Variants in FRS2 observed in about 807,000 individuals in gnomAD.
FRS2 encodes the protein FGFR signalling adaptor.
Under a neutral mutation model 43.9 loss-of-function variants are expected in FRS2, and 8 were observed. The ratio of observed to expected loss-of-function variants is 0.18; its 90% CI spans 0.11 to 0.33. The LOEUF (loss-of-function observed/expected upper bound fraction) is 0.33. FRS2 is among the 10% of genes least tolerant of loss of function. The pLI, the probability that FRS2 is intolerant of heterozygous loss-of-function variation, is 1.00. For synonymous variants in FRS2, 219 were observed against 220.3 expected, an observed-to-expected ratio of 0.99 and a Z score of 0.05; for missense variants, 534 against 627.6, an observed-to-expected ratio of 0.85 and a Z score of 1.59.
At chr12:69,514,898 G>T (rs1031119548) in intron 1 of FRS2, among the ~76,000 whole-genome samples, 3 of 151,672 alleles carry the variant, frequency 2.0e-5, no homozygotes, top group African/African-American at 7.3e-5. Flanking sequence ...TTTACCTTCT[G>T]AAATCATATG....
At chr12:69,530,792 A>G (rs144196018) in intron 1 of FRS2, 73 bp from the exon 2 acceptor site, 1 of 152,592 alleles carries the variant, frequency 6.6e-6, no homozygotes, top group Non-Finnish European at 1.5e-5. Flanking sequence ...TACAATTTAG[A>G]TAATTATTCT....
intron 3 of FRS2, among the ~76,000 whole-genome samples, chr12:69,540,302 T>C (rs1276176150): frequency 2.7e-5 from 4 of 147,000 alleles, no homozygotes; most frequent in African/African-American, 1.0e-4. Context: ...AATAACAAAA[T>C]AGACAAGATC....
intron 3 of FRS2, among the ~76,000 whole-genome samples, chr12:69,546,648 C>T (rs893198713): frequency 1.3e-5 from 2 of 152,108 alleles, no homozygotes; most frequent in Admixed American, 6.5e-5. Flanking sequence ...GGTTCAGCCT[C>T]CCAAAGTGCT....
intron 6 of FRS2, among the ~76,000 whole-genome samples, chr12:69,570,726 T>A (rs1442606412): frequency 6.6e-6 from 1 of 152,204 alleles, no homozygotes; most frequent in Non-Finnish European, 1.5e-5. Flanking sequence ...ATGTCAACTT[T>A]AAGATTTTTC....
intron 3 of FRS2, among the ~76,000 whole-genome samples, chr12:69,539,055 G>A (rs996902725): frequency 4.6e-5 from 7 of 152,106 alleles, no homozygotes; most frequent in Admixed American, 6.5e-5. Flanking sequence ...GGGATCAGAT[G>A]TGTTTTGGAT....
At chr12:69,521,416 T>A (rs1199207428) in intron 1 of FRS2, among the ~76,000 whole-genome samples, 1 of 152,218 alleles carries the variant, frequency 6.6e-6, no homozygotes, top group Non-Finnish European at 1.5e-5. Context: ...CCGATTGCTC[T>A]GGCCAGGACT....
chr12:69,504,604 C>T (rs1873756053), intron 1 of FRS2, among the ~76,000 whole-genome samples: 1 of 152,082 alleles, frequency 6.6e-6, no homozygotes, highest in Non-Finnish European at 1.5e-5. Context: ...TTAACAGTTG[C>T]ATCCCATTAT....
intron 3 of FRS2, among the ~76,000 whole-genome samples, chr12:69,558,054 TC>T (rs1186864241): frequency 6.6e-6 from 1 of 152,148 alleles, no homozygotes; most frequent in Non-Finnish European, 1.5e-5. Flanking sequence ...GGATTTCTGT[TC>T]CTAAAAAACA....
chr12:69,508,993 G>T (rs1874212761), intron 1 of FRS2, among the ~76,000 whole-genome samples: 1 of 152,002 alleles, frequency 6.6e-6, no homozygotes, highest in South Asian at 2.1e-4. Flanking sequence ...ATTATATTTT[G>T]TTTTTCCAGA....
At chr12:69,504,905 C>T (rs1382191926) in intron 1 of FRS2, among the ~76,000 whole-genome samples, 2 of 152,116 alleles carry the variant, frequency 1.3e-5, no homozygotes, top group Admixed American at 6.5e-5. Flanking sequence ...CACAGCTTAG[C>T]GCAGCCTCAA....
intron 1 of FRS2, among the ~76,000 whole-genome samples, chr12:69,473,216 C>T (rs1463914511): frequency 6.6e-6 from 1 of 152,186 alleles, no homozygotes; most frequent in African/African-American, 2.4e-5. Flanking sequence ...CAGTGAGGCT[C>T]AAATATGTTA....
In FRS2 at chr12:69,569,079, C is replaced by T. The variant is rs764065492; in HGVS notation, c.49C>T (p.His17Tyr). 1.2e-6 allele frequency: 2 copies of T among 1,610,340 alleles called. No homozygotes were observed. The highest frequency in any genetic ancestry group is 3.3e-5 in the Admixed American group (2 of 59,814). The change falls in exon 5 of 9, where the codon CAT becomes TAT. Residue 17 changes from histidine to tyrosine, a missense_variant. By Grantham distance (83) the His-to-Tyr change is moderately conservative. Coordinates refer to ENST00000549921, the MANE Select transcript of FRS2 (RefSeq NM_001278356.2). Reference protein sequence around the residue: ...CPDKDTVPDNHRNKFKVINVD... With the variant: ...CPDKDTVPDNYRNKFKVINVD... ...AGATAAAGACACTGTCCCAGATAAC[C>T]ATCGGAACAAGTTTAAGGTCAGTAA... is the stretch of plus-strand genomic sequence containing the variant.
chr12:69,540,028 T>C (rs761904615), intron 3 of FRS2, among the ~76,000 whole-genome samples: 73 of 150,488 alleles, frequency 4.9e-4, no homozygotes, highest in Non-Finnish European at 8.0e-4. Context: ...CCGAGGCGGG[T>C]GGATCATGAT....
At chr12:69,538,971 G>A (rs1413461218) in intron 3 of FRS2, among the ~76,000 whole-genome samples, 1 of 152,082 alleles carries the variant, frequency 6.6e-6, no homozygotes, top group Non-Finnish European at 1.5e-5. Context: ...GGTAGCAAGA[G>A]CACACCAAGA....
chr12:69,573,848 TAA>T (rs1376875828), intron 8 of FRS2, among the ~76,000 whole-genome samples, 155 bp from the exon 9 acceptor site: 1 of 152,320 alleles, frequency 6.6e-6, no homozygotes, highest in South Asian at 2.1e-4. Flanking sequence ...TTTTTATTAA[TAA>T]AAAAACAGGT....
At chr12:69,488,157 T>G (rs1872125911) in intron 1 of FRS2, among the ~76,000 whole-genome samples, 1 of 152,218 alleles carries the variant, frequency 6.6e-6, no homozygotes, top group South Asian at 2.1e-4. Flanking sequence ...TTGAGAGGAT[T>G]GATGACTCCA....
chr12:69,511,062 T>C (rs548460310), intron 1 of FRS2, among the ~76,000 whole-genome samples: 4 of 152,334 alleles, frequency 2.6e-5, no homozygotes, highest in South Asian at 2.1e-4. Context: ...TATCCAACTC[T>C]TTTAAACATA....
At chr12:69,532,620 C>T (rs1876915150) in intron 3 of FRS2, among the ~76,000 whole-genome samples, 1 of 152,192 alleles carries the variant, frequency 6.6e-6, no homozygotes, top group Admixed American at 6.5e-5. Context: ...TCCTAAAGGT[C>T]CCGTCTCTTA....
At chr12:69,477,016 T>C (rs142216159) in intron 1 of FRS2, among the ~76,000 whole-genome samples, 359 of 152,060 alleles carry the variant, frequency 2.4e-3, no homozygotes, top group Admixed American at 4.1e-3. Context: ...GTTTATAGAG[T>C]TATGTTGTGT....
Sources: allele counts gnomAD v4.1 joint callset (sites outside exome capture counted in the v4.1 genomes callset), GRCh38; gene constraint gnomAD v4.1.1; transcripts MANE v1.5; gene names NCBI Gene and HGNC (gene_info 2026-07-23, HGNC 2026-07-21).